ZNF329: variants seen among roughly 807,000 people sequenced by gnomAD.
ZNF329 encodes the protein zinc finger protein 329.
A neutral mutation model predicts 26.6 loss-of-function variants in ZNF329; 15 were observed. That is an observed-to-expected ratio of 0.56 (90% CI 0.38 to 0.87). ZNF329 has a LOEUF of 0.87. Among genes scored for constraint, ZNF329 ranks in the 40% least tolerant of loss-of-function variants. The pLI, the probability that ZNF329 is intolerant of heterozygous loss-of-function variation, is 0.00. For missense variants in ZNF329, 651 were observed against 651.9 expected (o/e 1.00, Z 0.02); for synonymous variants, 239 against 233.5 (o/e 1.02, Z -0.21).
At chr19:58,145,041 G>A (rs762505548) in intron 1 of ZNF329, among the ~76,000 whole-genome samples, 2 of 151,374 alleles carry the variant, frequency 1.3e-5, no homozygotes, top group African/African-American at 2.4e-5. Context: ...AGTACAGACG[G>A]GGTTTCACCA....
In ZNF329 at chr19:58,129,069, C is replaced by A. The variant is rs1170333815; in HGVS notation, c.435G>T (p.Lys145Asn). 1 of 1,613,966 alleles carries A rather than the reference C, an allele frequency of 6.2e-7. No homozygotes were observed. Among genetic ancestry groups the A allele is most frequent in the Non-Finnish European group, 8.5e-7 (1 of 1,180,034 alleles). The change falls in exon 4 of 4, where the codon AAG (lysine) becomes AAT (asparagine). Residue 145 changes from lysine to asparagine, a missense_variant. By Grantham distance (94) the Lys-to-Asn change is moderately conservative. Coordinates refer to ENST00000598312, the MANE Select transcript of ZNF329 (RefSeq NM_024620.4). ...VIHGRNPVREKPYKYPESVKS... is the reference protein window; with the variant it reads ...VIHGRNPVRENPYKYPESVKS... ...TAACACTTTCAGGGTATTTGTAGGG[C>A]TTCTCTCTCACTGGATTTCTTCCAT...
At chr19:58,142,056 C>G (rs1568670015) in intron 3 of ZNF329, among the ~76,000 whole-genome samples, 2 of 152,060 alleles carry the variant, frequency 1.3e-5, no homozygotes, top group Non-Finnish European at 1.5e-5. Flanking sequence ...AAGACTACAT[C>G]TCAAAAATAA....
At chr19:58,148,026 T>C (rs2075365009) in intron 1 of ZNF329, among the ~76,000 whole-genome samples, 1 of 152,094 alleles carries the variant, frequency 6.6e-6, no homozygotes, top group Non-Finnish European at 1.5e-5. Flanking sequence ...CATGGGAGAC[T>C]TTTCATTTTG....
At chr19:58,137,080 T>C (rs528678093) in intron 3 of ZNF329, 1 of 157,342 alleles carries the variant, frequency 6.4e-6, no homozygotes, top group East Asian at 1.8e-4. Context: ...AAAAACAGTT[T>C]AAACATGTAA....
chr19:58,139,278 T>C (rs1008292690), intron 3 of ZNF329, among the ~76,000 whole-genome samples: 1 of 152,072 alleles, frequency 6.6e-6, no homozygotes. Flanking sequence ...ATATTATGTG[T>C]ATCTAGAATA....
chr19:58,140,143 G>A (rs1384704414), intron 3 of ZNF329, among the ~76,000 whole-genome samples: 1 of 152,148 alleles, frequency 6.6e-6, no homozygotes, highest in Non-Finnish European at 1.5e-5. Context: ...GGTGGAACCC[G>A]CATGAATGGC....
intron 1 of ZNF329, among the ~76,000 whole-genome samples, chr19:58,144,724 CAG>C (rs1214459931): frequency 7.2e-6 from 1 of 139,340 alleles, no homozygotes; most frequent in Non-Finnish European, 1.5e-5. Context: ...TTTAAAGAGA[CAG>C]AGTCTTGCTT....
At chr19:58,149,045 T>C (rs2075390500) in intron 1 of ZNF329, among the ~76,000 whole-genome samples, 1 of 152,160 alleles carries the variant, frequency 6.6e-6, no homozygotes, top group Non-Finnish European at 1.5e-5. Flanking sequence ...ATACAGGTCA[T>C]AAAGACCTTG....
chr19:58,140,446 T>C (rs143503749), intron 3 of ZNF329, among the ~76,000 whole-genome samples: 2,309 of 146,802 alleles, frequency 0.016, 50 homozygotes, highest in African/African-American at 0.054. Context: ...AGAGTCTTGC[T>C]CTTTTGCTAA....
intron 3 of ZNF329, among the ~76,000 whole-genome samples, chr19:58,137,807 T>TAA (rs2075104820): frequency 1.3e-4 from 2 of 15,614 alleles, no homozygotes; most frequent in African/African-American, 5.2e-4. Context: ...CTACAAAAAA[T>TAA]ACAAAAAAAA....
At position 58,128,145 on chromosome 19, in the gene ZNF329, C is replaced by G; in HGVS notation, c.1359G>C (p.Lys453Asn). The change falls in exon 4 of 4, where the codon AAG becomes AAC. Residue 453 changes from lysine (K) to asparagine (N), a missense_variant. Transcript: ENST00000598312. ...TGCCACACTGATTACACTCATAGGG[C>G]TTCTCACCAGTATGAGTCCTCTGGT... Reference protein sequence around the residue: ...IRHQRTHTGEKPYECNQCGKA... With the variant: ...IRHQRTHTGENPYECNQCGKA... 1 of 1,588,538 alleles carries G rather than the reference C, an allele frequency of 6.3e-7. No homozygotes were observed. The highest frequency in any genetic ancestry group is 8.6e-7 in the Non-Finnish European group (1 of 1,168,314).
At chr19:58,138,284 T>C (rs2075115258) in intron 3 of ZNF329, among the ~76,000 whole-genome samples, 1 of 152,108 alleles carries the variant, frequency 6.6e-6, no homozygotes, top group Non-Finnish European at 1.5e-5. Flanking sequence ...ATCTCAAAAA[T>C]TCAAAAAGTA....
chr19:58,151,914 G>A (rs1403557211), upstream of ZNF329, among the ~76,000 whole-genome samples: 4 of 152,092 alleles, frequency 2.6e-5, no homozygotes, highest in Admixed American at 6.6e-5. Context: ...CTGACTACAT[G>A]TTAACACAGG....
At chr19:58,139,366 T>C (rs2075136957) in intron 3 of ZNF329, among the ~76,000 whole-genome samples, 1 of 152,222 alleles carries the variant, frequency 6.6e-6, no homozygotes, top group Non-Finnish European at 1.5e-5. Flanking sequence ...TGTCTTAGTC[T>C]GGGCTGCTAC....
chr19:58,148,831 A>G (rs1426432502), intron 1 of ZNF329, among the ~76,000 whole-genome samples: 1 of 152,228 alleles, frequency 6.6e-6, no homozygotes, highest in African/African-American at 2.4e-5. Context: ...ATATGTCTGT[A>G]TCACACCTGC....
rs1384896545 is a variant in ZNF329 at position 58,128,302 on chromosome 19, C to T, written c.1202G>A (p.Cys401Tyr). The T allele has an allele frequency of 1.2e-6, 2 of 1,613,300 alleles. No individual in the cohort carries two copies. The highest frequency in any genetic ancestry group is 1.7e-6 in the Non-Finnish European group (2 of 1,179,570). The change falls in exon 4 of 4, where the codon TGT becomes TAT. Residue 401 changes from cysteine to tyrosine, a missense_variant. By Grantham distance (194) the Cys-to-Tyr change is radical. Coordinates refer to ENST00000598312, the MANE Select transcript of ZNF329 (RefSeq NM_024620.4). ...GATGAAAGTCTTGCCACATTCTTTA[C>T]ATTCATAGGGTTTCTCCCCAGAATG... ...KIHSGEKPYE[C>Y]KECGKTFIES... is the part of the protein sequence containing the mutation.
At chr19:58,143,432 C>G (rs914103781) in intron 1 of ZNF329, among the ~76,000 whole-genome samples, 1 of 152,134 alleles carries the variant, frequency 6.6e-6, no homozygotes, top group East Asian at 1.9e-4. Flanking sequence ...TGACAAAATT[C>G]ACACTGAAGA....
upstream of ZNF329, chr19:58,154,960 C>T (rs1306042843): frequency 6.6e-6 from 1 of 152,560 alleles, no homozygotes; most frequent in African/African-American, 2.4e-5. Context: ...GACTCCGGGC[C>T]TGTTGGCTGG....
At chr19:58,136,650 C>T (rs535209434) in intron 3 of ZNF329, 1 of 142,704 alleles carries the variant, frequency 7.0e-6, no homozygotes, top group East Asian at 2.1e-4. Context: ...CGCATCACTG[C>T]ACTCCAGCCT....
Sources: gnomAD v4.1 joint callset for allele counts (sites outside exome capture counted in the v4.1 genomes callset) on GRCh38, gnomAD v4.1.1 for gene constraint, MANE v1.5 for transcripts, NCBI Gene and HGNC (gene_info 2026-07-23, HGNC 2026-07-21) for gene names.